Variants in TENM3 observed in about 807,000 individuals in gnomAD.
TENM3 encodes the protein teneurin transmembrane protein 3.
Under a neutral mutation model 255.1 loss-of-function variants are expected in TENM3, and 63 were observed. The ratio of observed to expected loss-of-function variants is 0.25; its 90% confidence interval spans 0.20 to 0.30. The LOEUF (loss-of-function observed/expected upper bound fraction) is 0.30. Ranked by LOEUF, TENM3 falls within the 10% of genes least tolerant of loss-of-function variation. The pLI is 1.00. For missense variants in TENM3, 2,929 were observed against 3,461.1 expected (o/e 0.85, Z 3.86); for synonymous variants, 1,306 against 1,322.3 (o/e 0.99, Z 0.27).
At chr4:181,503,975 G>A in the TENM3 span, among the ~76,000 whole-genome samples, 2 of 152,326 alleles carry the variant, frequency 1.3e-5, no homozygotes, top group South Asian at 4.1e-4. Context: ...CTAAGTGACA[G>A]CAGCATTTCC....
At chr4:182,625,010 G>C (rs889836269) in intron 4 of TENM3, among the ~76,000 whole-genome samples, 1 of 152,250 alleles carries the variant, frequency 6.6e-6, no homozygotes, top group South Asian at 2.1e-4. Flanking sequence ...GAGGATGAAG[G>C]CTGAAAATAC....
the TENM3 span, among the ~76,000 whole-genome samples, chr4:181,568,071 C>A: frequency 6.6e-6 from 1 of 151,866 alleles, no homozygotes; most frequent in African/African-American, 2.4e-5. Flanking sequence ...AAGCATCTAG[C>A]AGTTTTTCTC....
the TENM3 span, among the ~76,000 whole-genome samples, chr4:181,462,854 C>G: frequency 6.6e-6 from 1 of 152,166 alleles, no homozygotes; most frequent in Admixed American, 6.5e-5. Flanking sequence ...TTCTGCATCA[C>G]TACATAATGT....
chr4:182,583,076 A>G (rs867148861), intron 3 of TENM3, among the ~76,000 whole-genome samples: 2 of 152,214 alleles, frequency 1.3e-5, no homozygotes, highest in African/African-American at 4.8e-5. Context: ...ATCGACATAT[A>G]GTTGGCAAAA....
the TENM3 span, among the ~76,000 whole-genome samples, chr4:182,083,307 C>T: frequency 6.6e-6 from 1 of 152,188 alleles, no homozygotes; most frequent in East Asian, 1.9e-4. Context: ...CATCATAAAG[C>T]ATCATTCGGA....
intron 4 of TENM3, among the ~76,000 whole-genome samples, chr4:182,606,928 T>C (rs1247819270): frequency 6.6e-6 from 1 of 152,196 alleles, no homozygotes; most frequent in Admixed American, 6.5e-5. Flanking sequence ...GGGATACAAA[T>C]CACAGTTTAG....
the TENM3 span, among the ~76,000 whole-genome samples, chr4:181,797,312 A>G: frequency 3.9e-5 from 6 of 152,220 alleles, no homozygotes; most frequent in East Asian, 1.9e-4. Context: ...GGGCCAATAC[A>G]TAATGGTGAA....
chr4:181,548,979 C>T, the TENM3 span, among the ~76,000 whole-genome samples: 1 of 152,166 alleles, frequency 6.6e-6, no homozygotes, highest in Non-Finnish European at 1.5e-5. Context: ...GTAATCCTGT[C>T]AGCCTGGAAG....
chr4:182,429,954 A>C (rs2151185371), intron 3 of TENM3, among the ~76,000 whole-genome samples: 1 of 152,332 alleles, frequency 6.6e-6, no homozygotes, highest in Admixed American at 6.5e-5. Context: ...GAGGCTCAAA[A>C]AAGTTAGTTT....
At chr4:182,596,053 A>G (rs1317725580) in intron 3 of TENM3, among the ~76,000 whole-genome samples, 1 of 152,108 alleles carries the variant, frequency 6.6e-6, no homozygotes, top group African/African-American at 2.4e-5. Flanking sequence ...ACAAGGTGCT[A>G]TTATATAAAT....
intron 1 of TENM3, among the ~76,000 whole-genome samples, chr4:182,155,422 T>A (rs910802455): frequency 6.6e-6 from 1 of 152,072 alleles, no homozygotes; most frequent in Non-Finnish European, 1.5e-5. Flanking sequence ...CTGCGTCATC[T>A]TCTCAAATAT....
intron 22 of TENM3, among the ~76,000 whole-genome samples, chr4:182,755,893 A>G (rs1381283379): frequency 4.0e-5 from 6 of 151,814 alleles, no homozygotes; most frequent in Non-Finnish European, 8.8e-5. Flanking sequence ...TGCAAGATAC[A>G]AGATGTAGGG....
intron 24 of TENM3, among the ~76,000 whole-genome samples, chr4:182,786,330 G>T (rs901594118): frequency 6.6e-6 from 1 of 152,126 alleles, no homozygotes; most frequent in Non-Finnish European, 1.5e-5. Context: ...GCGGAGGCGG[G>T]TGGATCACCT....
rs1169812996 is a variant in TENM3, at chr4:182,497,105, A to G, written c.512-103819A>G. Among the ~76,000 whole-genome samples the G allele has an allele frequency of 1.2e-4, 18 of 151,836 alleles. No individual in the cohort carries two copies. In the East Asian group the frequency reaches 2.7e-3, roughly 23 times the overall value. On this transcript the variant is annotated intron_variant, in intron 3 of 27. Coordinates refer to ENST00000511685, the MANE Select transcript of TENM3 (RefSeq NM_001080477.4). ...AGTCTTGCTCTGTCGCCAGGCTGGAATGCAGTGGCACGATCTCAGCTCACT... is the reference window on the plus strand; with the variant it reads ...AGTCTTGCTCTGTCGCCAGGCTGGAGTGCAGTGGCACGATCTCAGCTCACT...
At chr4:181,533,483 C>G in the TENM3 span, among the ~76,000 whole-genome samples, 2 of 152,102 alleles carry the variant, frequency 1.3e-5, no homozygotes, top group Non-Finnish European at 2.9e-5. Flanking sequence ...CATACCTTCT[C>G]TTGGTCCCTT....
intron 12 of TENM3, among the ~76,000 whole-genome samples, chr4:182,700,911 C>T (rs893764678): frequency 5.3e-5 from 8 of 152,062 alleles, no homozygotes; most frequent in Non-Finnish European, 1.2e-4. Flanking sequence ...GATTTGTCAA[C>T]ACCTCTTTTT....
intron 13 of TENM3, among the ~76,000 whole-genome samples, chr4:182,715,923 T>G (rs543981981): frequency 6.6e-6 from 1 of 152,240 alleles, no homozygotes; most frequent in African/African-American, 2.4e-5. Flanking sequence ...TCAAGAAACT[T>G]GAGCCACAAA....
At chr4:182,282,205 A>G (rs1760429953) in intron 1 of TENM3, among the ~76,000 whole-genome samples, 1 of 152,230 alleles carries the variant, frequency 6.6e-6, no homozygotes, top group Non-Finnish European at 1.5e-5. Context: ...TGAAAAGTCA[A>G]GAAGTCTTAC....
intron 22 of TENM3, among the ~76,000 whole-genome samples, chr4:182,755,858 C>T (rs988434729): frequency 1.3e-5 from 2 of 152,094 alleles, no homozygotes; most frequent in Admixed American, 6.5e-5. Flanking sequence ...AAAAAGATAC[C>T]TCTTTCTGAG....
Sources: allele counts gnomAD v4.1 joint callset (sites outside exome capture counted in the v4.1 genomes callset), GRCh38; gene constraint gnomAD v4.1.1; transcripts MANE v1.5; gene names NCBI Gene and HGNC (gene_info 2026-07-23, HGNC 2026-07-21).